LACTB: variants seen among roughly 807,000 people sequenced by gnomAD.
LACTB encodes the protein lactamase beta.
In LACTB, 35 loss-of-function variants were observed where a neutral mutation model predicts 50.2. That is an observed-to-expected ratio of 0.70 (90% CI 0.53 to 0.92). LACTB has a LOEUF of 0.92. Among genes scored for constraint, LACTB ranks in the 40% least tolerant of loss-of-function variants. The pLI, the probability that LACTB is intolerant of heterozygous loss-of-function variation, is 0.00. For synonymous variants in LACTB, 252 were observed against 268.2 expected (o/e 0.94, Z 0.59); for missense variants, 664 against 691.8 (o/e 0.96, Z 0.45).
rs376768666 is a variant in LACTB, at chr15:63,122,771, G to A, written c.424+69G>A. ...ATAAAATATTGTTTTACTGGTTAGA[G>A]TGGATCCCATGAAATGCTATTGCAT... On this transcript the variant is annotated intron_variant, in intron 2 of 5. Transcript: ENST00000261893. 4.6e-5 allele frequency: 50 copies of A among 1,076,156 alleles called. No individual in the cohort carries two copies. The African/African-American group carries it at 6.4e-4, about 14-fold the overall frequency. The allele number at this position is 1,076,156 out of a possible 1,614,324, so 66.7% of individuals were successfully genotyped here. A position where few individuals can be genotyped will look rare whatever the true frequency, so the allele number is the denominator to read the frequency against.
rs200590469 is a variant in LACTB at position 63,122,621 on chromosome 15, C to T, written c.358-15C>T. 2.5e-6 allele frequency: 4 copies of T among 1,607,282 alleles called. No individual in the cohort carries two copies. The highest frequency in any genetic ancestry group is 3.3e-4 in the Middle Eastern group (2 of 6,050). On this transcript the variant is annotated splice_polypyrimidine_tract_variant and intron_variant, in intron 1 of 5. Coordinates refer to ENST00000261893, the MANE Select transcript of LACTB (RefSeq NM_032857.5). ...GCAGGCCCGTAACTGTCGGTTCTTTCCCCTTCGGTCTTAGGATGAGGTGGG... is the reference window on the plus strand; with the variant it reads ...GCAGGCCCGTAACTGTCGGTTCTTTTCCCTTCGGTCTTAGGATGAGGTGGG...
At chr15:63,141,210 A>G in intron 5 of LACTB, 70 bp from the exon 6 acceptor site, 3 of 1,500,974 alleles carry the variant, frequency 2.0e-6, no homozygotes, top group Non-Finnish European at 2.7e-6. Context: ...TCATGTATAC[A>G]TTTTTCTATC....
At position 63,122,232 on chromosome 15, in the gene LACTB, C is replaced by T; in HGVS notation, c.357+4C>T. 1.3e-6 allele frequency: 2 copies of T among 1,551,206 alleles called. No homozygotes were observed. Among genetic ancestry groups the T allele is most frequent in the Non-Finnish European group, 1.7e-6 (2 of 1,158,222 alleles). On this transcript the variant is annotated splice_donor_region_variant and intron_variant, in intron 1 of 5. Coordinates refer to ENST00000261893, the MANE Select transcript of LACTB (RefSeq NM_032857.5). ...CGACCTGCTGCACAGGATCAAGGTG[C>T]GGCCACTGGAGCGGGGGGCGTAGGG...
chr15:63,138,644 A>C (rs1272462690), intron 5 of LACTB, among the ~76,000 whole-genome samples: 2 of 152,218 alleles, frequency 1.3e-5, no homozygotes, highest in Non-Finnish European at 2.9e-5. Context: ...CTAGAATTAT[A>C]AAGTCTAGAA....
intron 5 of LACTB, among the ~76,000 whole-genome samples, chr15:63,137,120 G>C (rs940897624): frequency 6.6e-6 from 1 of 152,170 alleles, no homozygotes; most frequent in African/African-American, 2.4e-5. Flanking sequence ...TTGTTGTCTT[G>C]AATAAAATTG....
intron 5 of LACTB, among the ~76,000 whole-genome samples, chr15:63,136,445 T>G (rs1468136871): frequency 6.6e-6 from 1 of 152,194 alleles, no homozygotes; most frequent in Non-Finnish European, 1.5e-5. Flanking sequence ...TGTTTTAATT[T>G]TTGGTAGTTC....
At chr15:63,132,408 A>C (rs908004859) in intron 5 of LACTB, among the ~76,000 whole-genome samples, 6 of 152,206 alleles carry the variant, frequency 3.9e-5, no homozygotes, top group Admixed American at 2.6e-4. Context: ...GTATATGTGT[A>C]GATATTTAAT....
intron 2 of LACTB, 139 bp downstream of exon 2, chr15:63,122,841 A>G (rs1465898636): frequency 3.1e-6 from 2 of 650,720 alleles, no homozygotes; most frequent in African/African-American, 1.8e-5. Flanking sequence ...CTAACATAAT[A>G]AAGAGTCAGG....
chr15:63,128,918 A>G (rs1171329262), intron 4 of LACTB, among the ~76,000 whole-genome samples: 1 of 151,688 alleles, frequency 6.6e-6, no homozygotes, highest in African/African-American at 2.4e-5. Context: ...TAATTTTTGT[A>G]TTTTAGTAGA....
At chr15:63,125,388 G>A (rs986700370) in intron 2 of LACTB, among the ~76,000 whole-genome samples, 6 of 151,770 alleles carry the variant, frequency 4.0e-5, no homozygotes, top group African/African-American at 1.2e-4. Context: ...GGCTGGTCTC[G>A]AACTCCCGAC....
intron 4 of LACTB, among the ~76,000 whole-genome samples, chr15:63,128,585 C>T (rs2037086321): frequency 6.6e-6 from 1 of 152,066 alleles, no homozygotes; most frequent in African/African-American, 2.4e-5. Flanking sequence ...TGGGCAACAG[C>T]AAGAGCAAGA....
At chr15:63,122,733 T>G in intron 2 of LACTB, 31 bp downstream of exon 2, 1 of 1,461,778 alleles carries the variant, frequency 6.8e-7, no homozygotes, top group Non-Finnish European at 9.6e-7. Flanking sequence ...TTTTGTTCTG[T>G]GCCAGTTGGT....
chr15:63,121,982 C>G lies in LACTB; in HGVS notation c.111C>G (p.Gly37=), dbSNP rs1211434265. The G allele has an allele frequency of 7.3e-7, 1 of 1,369,300 alleles. No individual in the cohort carries two copies. The highest frequency in any genetic ancestry group is 1.5e-5 in the African/African-American group (1 of 66,230). 84.8% of individuals were successfully genotyped at this position (1,369,300 alleles called of 1,614,324 possible). A position where few individuals can be genotyped will look rare whatever the true frequency, so the allele number is the denominator to read the frequency against. The change falls in exon 1 of 6, where the codon GGC becomes GGG. Residue 37 remains glycine (G), a synonymous_variant. Transcript: ENST00000261893. ...VHQRAGLPPL[G]HGWVGGLGLG... is the part of the protein sequence containing the mutation. ...AGCGCGCCGGGCTGCCGCCTCTCGG[C>G]CACGGCTGGGTCGGGGGCCTCGGGC...
chr15:63,136,714 T>C (rs1052045891), intron 5 of LACTB, among the ~76,000 whole-genome samples: 1 of 152,202 alleles, frequency 6.6e-6, no homozygotes, highest in Non-Finnish European at 1.5e-5. Context: ...TCTTCAAAGA[T>C]ACAGGCAAAA....
chr15:63,123,579 C>A (rs2037007247), intron 2 of LACTB, among the ~76,000 whole-genome samples: 1 of 152,054 alleles, frequency 6.6e-6, no homozygotes, highest in African/African-American at 2.4e-5. Flanking sequence ...CGGTAGTGGC[C>A]CCGAATGTCT....
Position 63,127,366 on chromosome 15 carries a change from C to G in LACTB, c.629C>G (p.Thr210Arg). Reference sequence around the variant, plus strand: ...TTTTACAATTAGGTTTCTGTCACAACAAGATTACTGATTTCCCATTTAAGT... The same window carrying G: ...TTTTACAATTAGGTTTCTGTCACAAGAAGATTACTGATTTCCCATTTAAGT... The part of the protein sequence containing the change: ...EYEGEKVSVT[T>R]RLLISHLSGI... The change falls in exon 4 of 6, where the codon ACA becomes AGA. Residue 210 changes from threonine to arginine, a missense_variant. Coordinates refer to ENST00000261893, the MANE Select transcript of LACTB (RefSeq NM_032857.5). The G allele has an allele frequency of 6.4e-7, 1 of 1,563,496 alleles. No homozygotes were observed. Among genetic ancestry groups the G allele is most frequent in the Non-Finnish European group, 8.6e-7 (1 of 1,159,916 alleles).
At position 63,133,777 on chromosome 15, in the gene LACTB, G is replaced by C. The variant is rs1055547140; in HGVS notation, c.1118+4127G>C. ...TGGTATACTTCAAAAAACACACATGGAAGTATTGAATTTTAAAATTATAAA... is the reference window on the plus strand; with the variant it reads ...TGGTATACTTCAAAAAACACACATGCAAGTATTGAATTTTAAAATTATAAA... On this transcript the variant is annotated intron_variant, in intron 5 of 5. Transcript: ENST00000261893. Among the ~76,000 whole-genome samples the C allele has an allele frequency of 5.3e-5, 8 of 152,248 alleles. No homozygotes were observed. In the East Asian group the frequency reaches 1.5e-3, roughly 29 times the overall value.
At chr15:63,141,076 A>G in intron 5 of LACTB, 1 of 983,886 alleles carries the variant, frequency 1.0e-6, no homozygotes, top group Non-Finnish European at 1.2e-6. Flanking sequence ...CTTTAATTCA[A>G]AAGGTAATTA....
At chr15:63,138,051 C>T (rs948276175) in intron 5 of LACTB, among the ~76,000 whole-genome samples, 2 of 152,158 alleles carry the variant, frequency 1.3e-5, no homozygotes, top group Admixed American at 6.6e-5. Context: ...TAAGGCTGGG[C>T]GCAGTGGCTC....
Sources: allele counts gnomAD v4.1 joint callset (sites outside exome capture counted in the v4.1 genomes callset), GRCh38; gene constraint gnomAD v4.1.1; transcripts MANE v1.5; gene names NCBI Gene and HGNC (gene_info 2026-07-23, HGNC 2026-07-21).